DENND2A: variants seen among roughly 807,000 people sequenced by gnomAD.
The protein encoded by DENND2A is DENN domain-containing protein 2A.
A neutral mutation model predicts 105.3 loss-of-function variants in DENND2A; 53 were observed. That is an observed-to-expected ratio of 0.50 (90% confidence interval 0.40 to 0.63). DENND2A has a LOEUF of 0.63. DENND2A is among the 30% of genes least tolerant of loss of function. The pLI, the probability that DENND2A is intolerant of heterozygous loss-of-function variation, is 0.00. For missense variants in DENND2A, 1,138 were observed against 1,279.6 expected, an observed-to-expected ratio of 0.89 and a Z score of 1.69; for synonymous variants, 522 against 508.4, an observed-to-expected ratio of 1.03 and a Z score of -0.36.
chr7:140,618,426 C>CT (rs1440370603), intron 1 of DENND2A, among the ~76,000 whole-genome samples: 2 of 152,252 alleles, frequency 1.3e-5, no homozygotes, highest in Admixed American at 1.3e-4. Flanking sequence ...CTAAGAAACC[C>CT]TTTTTGTTTC....
chr7:140,596,574 G>GGCA (rs1324151554), intron 3 of DENND2A, among the ~76,000 whole-genome samples: 1 of 152,166 alleles, frequency 6.6e-6, no homozygotes, highest in African/African-American at 2.4e-5. Context: ...AGTGTGATCT[G>GGCA]GCAGCCATAT....
chr7:140,554,566 G>T (rs1797281978), intron 12 of DENND2A, among the ~76,000 whole-genome samples: 1 of 152,218 alleles, frequency 6.6e-6, no homozygotes, highest in South Asian at 2.1e-4. Flanking sequence ...AACCCGGGAG[G>T]TGTAAGTTGC....
rs768423577 is a variant in DENND2A at position 140,573,834 on chromosome 7, C to T, written c.1420G>A (p.Gly474Ser). ...TTGGGTATCTTTCTCTTCTTCCTGC[C>T]GTTCTGTGGGTCTCCAAGGTTAAAG... The part of the protein sequence containing the change: ...IFFNLGDPQN[G>S]RKKRKIPKLV... Residue 474 changes from glycine (G) to serine (S), a missense_variant, in exon 6 of 20, where the codon GGC (glycine) becomes AGC (serine). Physicochemically the swap from Gly to Ser is moderately conservative, Grantham distance 56. Around this residue, in one of 2 missense-constraint regions of DENND2A, gnomAD observed 627 missense variants for 779.8 expected, o/e 0.80. Transcript: ENST00000496613. 46 of 1,613,630 alleles carry T rather than the reference C, an allele frequency of 2.9e-5. No homozygotes were observed. Among genetic ancestry groups the T allele is most frequent in the Non-Finnish European group, 3.5e-5 (41 of 1,179,808 alleles).
At chr7:140,590,450 T>C (rs1798969938) in intron 3 of DENND2A, among the ~76,000 whole-genome samples, 1 of 152,176 alleles carries the variant, frequency 6.6e-6, no homozygotes. Flanking sequence ...GATTATGTGT[T>C]GGGGTTTGTT....
intron 5 of DENND2A, among the ~76,000 whole-genome samples, chr7:140,577,681 A>C (rs1404033887): frequency 6.6e-6 from 1 of 152,166 alleles, no homozygotes; most frequent in African/African-American, 2.4e-5. Context: ...TATAGGCGTG[A>C]TCCACCGCGC....
intron 12 of DENND2A, among the ~76,000 whole-genome samples, chr7:140,555,337 C>A (rs1405816454): frequency 6.6e-6 from 1 of 151,884 alleles, no homozygotes; most frequent in Admixed American, 6.6e-5. Flanking sequence ...TGGGCTTTCA[C>A]CATGCTGGCC....
chr7:140,588,978 G>C (rs1798902451), intron 3 of DENND2A, among the ~76,000 whole-genome samples: 1 of 150,518 alleles, frequency 6.6e-6, no homozygotes, highest in South Asian at 2.1e-4. Context: ...CCTGACCCCA[G>C]GTGATCTGCC....
rs1244491811 is a variant in DENND2A, at chr7:140,562,915, C to A, written c.1780-3098G>T. 2.0e-5 allele frequency among the ~76,000 whole-genome samples: 3 copies of A among 152,220 alleles called. No homozygotes were observed. The South Asian group carries it at 6.2e-4, about 32-fold the overall frequency. Reference sequence around the variant, plus strand: ...TCCACGATGACACAGATGAACCCAACTGGCCCAGGAAGTCTTTGAGTTGGT... The same window carrying A: ...TCCACGATGACACAGATGAACCCAAATGGCCCAGGAAGTCTTTGAGTTGGT... On this transcript the variant is annotated intron_variant, in intron 9 of 19. Transcript: ENST00000496613.
At chr7:140,548,819 G>T (rs1264109276) in intron 12 of DENND2A, among the ~76,000 whole-genome samples, 1 of 151,380 alleles carries the variant, frequency 6.6e-6, no homozygotes, top group Non-Finnish European at 1.5e-5. Context: ...CTCCATGTTG[G>T]TTAGGCTGGT....
chr7:140,627,779 A>G (rs1800590794), intron 1 of DENND2A, among the ~76,000 whole-genome samples: 1 of 151,594 alleles, frequency 6.6e-6, no homozygotes, highest in Non-Finnish European at 1.5e-5. Flanking sequence ...TTCCCACCTC[A>G]GCATCCCAAA....
intron 1 of DENND2A, among the ~76,000 whole-genome samples, chr7:140,618,187 A>G (rs1800152485): frequency 6.6e-6 from 1 of 152,246 alleles, no homozygotes; most frequent in South Asian, 2.1e-4. Flanking sequence ...ATAAATCATT[A>G]AAGCATGAGT....
rs548149150 is a variant in DENND2A, at chr7:140,607,166, T to A, written c.-247-1360A>T. Among the ~76,000 whole-genome samples the A allele has an allele frequency of 1.2e-4, 19 of 152,298 alleles. No homozygotes were observed. The South Asian group carries it at 3.7e-3, about 30-fold the overall frequency. On this transcript the variant is annotated intron_variant, in intron 1 of 19. Transcript: ENST00000496613. ...TCAGTTTCCAGGATTCCTACCCTAT[T>A]TCCCAGGATGGTTTCCCTGCTAGGT...
chr7:140,592,142 C>A (rs1404563901), intron 3 of DENND2A, among the ~76,000 whole-genome samples: 1 of 149,756 alleles, frequency 6.7e-6, no homozygotes, highest in Non-Finnish European at 1.5e-5. Context: ...TGGGTTCAAG[C>A]AATTCTCCTG....
intron 3 of DENND2A, among the ~76,000 whole-genome samples, chr7:140,592,986 C>T (rs1327061174): frequency 6.6e-6 from 1 of 152,130 alleles, no homozygotes; most frequent in East Asian, 1.9e-4. Flanking sequence ...GATTAGGCTC[C>T]CTGAAGAGGA....
chr7:140,640,984 G>A (rs534603682), upstream of DENND2A, among the ~76,000 whole-genome samples: 2 of 150,888 alleles, frequency 1.3e-5, no homozygotes, highest in African/African-American at 4.9e-5. This position sits in a 1 kb window ranked among gnomAD's most constrained non-coding sequence, Gnocchi z 4.9. Context: ...CTCTCGGGGT[G>A]GGGGAGAGGT....
In DENND2A at chr7:140,601,394, G is replaced by A. The variant is rs764489237; in HGVS notation, c.995+9C>T. On this transcript the variant is annotated intron_variant, in intron 3 of 19. Transcript: ENST00000496613. ...TGGCGACACTCTGCCTGGCCACACCGGCACCTACCTGTGGTCTGCACTGGA... is the reference window on the plus strand; with the variant it reads ...TGGCGACACTCTGCCTGGCCACACCAGCACCTACCTGTGGTCTGCACTGGA... 9 of 1,567,612 alleles carry A rather than the reference G, an allele frequency of 5.7e-6. No homozygotes were observed. In the East Asian group the frequency reaches 9.0e-5, roughly 16 times the overall value.
At chr7:140,563,039 G>A (rs1204074021) in intron 9 of DENND2A, among the ~76,000 whole-genome samples, 1 of 152,102 alleles carries the variant, frequency 6.6e-6, no homozygotes, top group Non-Finnish European at 1.5e-5. Flanking sequence ...TATAGGAAGG[G>A]GTCATTAATC....
chr7:140,606,050 GT>G (rs886213975), intron 1 of DENND2A, among the ~76,000 whole-genome samples: 2 of 151,944 alleles, frequency 1.3e-5, no homozygotes, highest in African/African-American at 4.8e-5. Flanking sequence ...TTGTTCATTT[GT>G]TTTTTTTGAG....
chr7:140,588,497 G>T (rs775627585), intron 3 of DENND2A, among the ~76,000 whole-genome samples: 1 of 152,036 alleles, frequency 6.6e-6, no homozygotes, highest in Non-Finnish European at 1.5e-5. Context: ...TAAGGATATG[G>T]AACAGTCCTT....
Sources: gnomAD v4.1 joint callset for allele counts (sites outside exome capture counted in the v4.1 genomes callset) on GRCh38, gnomAD v4.1.1 for gene constraint, gnomAD v4.1.1 regional missense constraint, Gnocchi (gnomAD v3.1) non-coding constraint, MANE v1.5 for transcripts, NCBI Gene and HGNC (gene_info 2026-07-23, HGNC 2026-07-21) for gene names.